The following SGCD variants were observed in gnomAD, a reference collection of about 807,000 sequenced individuals.
SGCD encodes the protein delta-sarcoglycan.
SGCD carries 18 observed loss-of-function variants against 36.6 expected under a neutral mutation model. The observed-to-expected ratio is 0.49, with a 90% confidence interval of 0.34 to 0.73. The LOEUF (loss-of-function observed/expected upper bound fraction) is 0.73, where lower values mean the gene tolerates loss of function less well. SGCD is among the 30% of genes least tolerant of loss of function. The probability of loss-of-function intolerance (pLI) is 0.01; values close to 1 mark genes in which losing one functional copy is unlikely to be tolerated. For missense variants in SGCD, 387 were observed against 346.7 expected (o/e 1.12, Z -0.92); for synonymous variants, 133 against 130.6 (o/e 1.02, Z -0.12).
intron 2 of SGCD, among the ~76,000 whole-genome samples, chr5:156,331,747 G>A (rs1327568635): frequency 6.6e-6 from 1 of 152,108 alleles, no homozygotes; most frequent in Non-Finnish European, 1.5e-5. Flanking sequence ...ATAAATACCA[G>A]GGTAAGCTCC....
intron 1 of SGCD, among the ~76,000 whole-genome samples, chr5:155,918,328 T>C (rs1408588850): frequency 6.6e-6 from 1 of 152,126 alleles, no homozygotes; most frequent in Non-Finnish European, 1.5e-5. Context: ...TTTGGGTGGC[T>C]GAGGCGGGCA....
At chr5:156,449,179 AG>A (rs1753880972) in intron 3 of SGCD, among the ~76,000 whole-genome samples, 1 of 152,062 alleles carries the variant, frequency 6.6e-6, no homozygotes, top group Non-Finnish European at 1.5e-5. Context: ...GTGTTCTTTA[AG>A]AGATCAGTTC....
intron 1 of SGCD, among the ~76,000 whole-genome samples, chr5:156,070,616 G>A (rs1219913796): frequency 6.6e-6 from 1 of 152,008 alleles, no homozygotes; most frequent in Non-Finnish European, 1.5e-5. Context: ...TCTCTGTCAG[G>A]CTTTGGTATC....
chr5:156,535,424 C>CT (rs1758064449), intron 4 of SGCD, among the ~76,000 whole-genome samples: 1 of 152,168 alleles, frequency 6.6e-6, no homozygotes. Context: ...TAATGAAATT[C>CT]TTTTCAAAAT....
chr5:156,249,375 G>GTACT (rs758373875), intron 3 of SGCD, among the ~76,000 whole-genome samples: 2 of 152,188 alleles, frequency 1.3e-5, no homozygotes, highest in Non-Finnish European at 2.9e-5. Flanking sequence ...AAAAAGTCAA[G>GTACT]TAAGTTGAGG....
intron 7 of SGCD, among the ~76,000 whole-genome samples, chr5:156,722,495 T>C (rs1755558969): frequency 1.3e-5 from 2 of 152,184 alleles, no homozygotes; most frequent in South Asian, 4.1e-4. Context: ...TTGGCTTGGG[T>C]TTACTGTGTA....
chr5:156,456,755 G>A (rs1170683801), intron 3 of SGCD, among the ~76,000 whole-genome samples: 17 of 152,134 alleles, frequency 1.1e-4, no homozygotes, highest in Admixed American at 1.1e-3. Flanking sequence ...ACAACCATAA[G>A]ATTATAAATT....
intron 3 of SGCD, among the ~76,000 whole-genome samples, chr5:156,134,504 T>C (rs1395920644): frequency 6.6e-6 from 1 of 152,138 alleles, no homozygotes; most frequent in African/African-American, 2.4e-5. Flanking sequence ...TCCTTTTAAA[T>C]CACCTCTCTC....
At chr5:155,872,807 T>G (rs1464189495) in intron 1 of SGCD, among the ~76,000 whole-genome samples, 2 of 152,150 alleles carry the variant, frequency 1.3e-5, no homozygotes, top group African/African-American at 4.8e-5. Flanking sequence ...TGAGCAAGAT[T>G]TACGTGTATA....
At chr5:156,164,201 T>C (rs1763158106) in intron 3 of SGCD, among the ~76,000 whole-genome samples, 1 of 151,408 alleles carries the variant, frequency 6.6e-6, no homozygotes, top group Admixed American at 6.6e-5. Context: ...CACCCATAAA[T>C]GTAAATGTGT....
At chr5:155,926,600 G>A (rs1461287123) in intron 1 of SGCD, among the ~76,000 whole-genome samples, 1 of 151,992 alleles carries the variant, frequency 6.6e-6, no homozygotes, top group African/African-American at 2.4e-5. Context: ...TCAAATCCAA[G>A]GAAAGAAATT....
At chr5:156,357,072 GA>G (rs1769530076) in intron 3 of SGCD, among the ~76,000 whole-genome samples, 1 of 152,188 alleles carries the variant, frequency 6.6e-6, no homozygotes, top group Admixed American at 6.5e-5. Flanking sequence ...ACAGGAAACT[GA>G]TACACAGATA....
At chr5:156,640,838 G>A (rs1470851902) in intron 6 of SGCD, among the ~76,000 whole-genome samples, 1 of 152,182 alleles carries the variant, frequency 6.6e-6, no homozygotes, top group Non-Finnish European at 1.5e-5. Context: ...GACTACAGAT[G>A]TTTTGCATTA....
rs1229174444 is a variant in SGCD, at chr5:156,229,286, A to ATATATATATATATATATATGTGTG, written c.-43-100234_-43-100233insTATATGTGTGTATATATATATATA. Among the ~76,000 whole-genome samples the ATATATATATATATATATATGTGTG allele has an allele frequency of 3.2e-3, 355 of 110,410 alleles. 18 individuals carry two copies. The highest frequency in any genetic ancestry group is 0.014 in the African/African-American group (335 of 24,600). 72.4% of individuals were successfully genotyped at this position (110,410 alleles called of 152,430 possible). A position where few individuals can be genotyped will look rare whatever the true frequency, so the allele number is the denominator to read the frequency against. ...CATATATATATACATACATATATAT[A>ATATATATATATATATATATGTGTG]TATATATATATATAAAATTAGTTCT... On this transcript the variant is annotated intron_variant, in intron 3 of 9. Transcript: ENST00000517913.
intron 3 of SGCD, among the ~76,000 whole-genome samples, chr5:156,504,215 A>G (rs1438403562): frequency 6.6e-6 from 1 of 151,842 alleles, no homozygotes; most frequent in Non-Finnish European, 1.5e-5. Context: ...CTCAAAAAAA[A>G]AAAAAAATTA....
intron 3 of SGCD, among the ~76,000 whole-genome samples, chr5:156,161,442 C>T (rs1301996919): frequency 1.3e-5 from 2 of 151,856 alleles, no homozygotes; most frequent in African/African-American, 4.9e-5. Context: ...TTTCCAGTCA[C>T]AGGACTAAGA....
intron 6 of SGCD, among the ~76,000 whole-genome samples, chr5:156,612,885 C>T (rs1406756670): frequency 6.6e-6 from 1 of 152,236 alleles, no homozygotes; most frequent in East Asian, 1.9e-4. Flanking sequence ...CATGACTCAA[C>T]TCCCCAAATT....
chr5:156,753,832 C>G (rs890187449), intron 7 of SGCD, among the ~76,000 whole-genome samples: 1 of 152,122 alleles, frequency 6.6e-6, no homozygotes. Flanking sequence ...TCCCATGACA[C>G]GTGGGGATTA....
the SGCD span, among the ~76,000 whole-genome samples, chr5:155,763,081 G>C: frequency 6.6e-6 from 1 of 152,110 alleles, no homozygotes; most frequent in African/African-American, 2.4e-5. Context: ...TAGTACAGTT[G>C]TTTCTTTTGT....
Sources: gnomAD v4.1 joint callset for allele counts (sites outside exome capture counted in the v4.1 genomes callset) on GRCh38, gnomAD v4.1.1 for gene constraint, MANE v1.5 for transcripts, NCBI Gene and HGNC (gene_info 2026-07-23, HGNC 2026-07-21) for gene names.